LRRC72: variants seen among roughly 807,000 people sequenced by gnomAD.
LRRC72 encodes leucine-rich repeat-containing protein 72.
In LRRC72, 41 loss-of-function variants were observed where a neutral mutation model predicts 35.8. The observed-to-expected ratio is 1.15, with a 90% CI of 0.89 to 1.49. The LOEUF (loss-of-function observed/expected upper bound fraction) is 1.49, where lower values mean the gene tolerates loss of function less well. Ranked by LOEUF, LRRC72 falls within the 40% of genes most tolerant of loss-of-function variation. The pLI is 0.00. For missense variants in LRRC72, 389 were observed against 330.7 expected (o/e 1.18, Z -1.37); for synonymous variants, 118 against 119.2 (o/e 0.99, Z 0.07).
At chr7:16,532,251 T>C (rs995256066) in intron 1 of LRRC72, among the ~76,000 whole-genome samples, 2 of 152,170 alleles carry the variant, frequency 1.3e-5, no homozygotes. Context: ...CACATACATA[T>C]TTTTTTCTCT....
chr7:16,561,122 T>G (rs1782738109), intron 5 of LRRC72, among the ~76,000 whole-genome samples: 1 of 152,164 alleles, frequency 6.6e-6, no homozygotes, highest in Non-Finnish European at 1.5e-5. Flanking sequence ...TTAATAAATG[T>G]TTATCACACA....
chr7:16,579,837 T>C (rs1249534970), intron 7 of LRRC72, among the ~76,000 whole-genome samples: 1 of 152,146 alleles, frequency 6.6e-6, no homozygotes, highest in Non-Finnish European at 1.5e-5. Flanking sequence ...TTGAGATTTG[T>C]ATTGTATTAA....
chr7:16,567,447 C>T lies in LRRC72; in HGVS notation c.574C>T (p.His192Tyr). The change falls in exon 7 of 9, where the codon CAT becomes TAT. Residue 192 changes from histidine to tyrosine, a missense_variant. His to Tyr is a moderately conservative substitution (Grantham distance 83). Coordinates refer to ENST00000401542, the MANE Select transcript of LRRC72 (RefSeq NM_001195280.2). ...TACCATTTTTAACCATAAAAAGGCT[C>T]ATATCGTTCAATCAATAGCATTCGG... ...MITIFNHKKA[H>Y]IVQSIAFGGK... 6.5e-7 allele frequency: 1 copy of T among 1,526,934 alleles called. No homozygotes were observed. The highest frequency in any genetic ancestry group is 8.8e-7 in the Non-Finnish European group (1 of 1,136,468). The allele number at this position is 1,526,934 out of a possible 1,614,324, so 94.6% of individuals were successfully genotyped here. A position where few individuals can be genotyped will look rare whatever the true frequency, so the allele number is the denominator to read the frequency against.
In LRRC72 at chr7:16,567,390, G is replaced by A; in HGVS notation, c.518-1G>A. 6.8e-7 allele frequency: 1 copy of A among 1,469,766 alleles called. No homozygotes were observed. The highest frequency in any genetic ancestry group is 1.4e-5 in the South Asian group (1 of 71,380). 91.0% of individuals were successfully genotyped at this position (1,469,766 alleles called of 1,614,324 possible). Reference sequence around the variant, plus strand: ...ATAACATTACTTTTTGCATTTATCAGAAGTTACAGAAAAAGAAAGAAGATC... The same window carrying A: ...ATAACATTACTTTTTGCATTTATCAAAAGTTACAGAAAAAGAAAGAAGATC... On this transcript the variant is annotated splice_acceptor_variant, in intron 6 of 8. Coordinates refer to ENST00000401542, the MANE Select transcript of LRRC72 (RefSeq NM_001195280.2). LOFTEE classifies it high-confidence loss of function.
intron 3 of LRRC72, among the ~76,000 whole-genome samples, chr7:16,553,866 C>T (rs542257476): frequency 4.6e-5 from 7 of 152,206 alleles, no homozygotes; most frequent in African/African-American, 1.7e-4. Context: ...ATAAAAGCTC[C>T]CAGCTCCATA....
At chr7:16,572,581 G>T (rs2095451183) in intron 7 of LRRC72, among the ~76,000 whole-genome samples, 1 of 152,110 alleles carries the variant, frequency 6.6e-6, no homozygotes, top group South Asian at 2.1e-4. Flanking sequence ...GATGCAAAAA[G>T]GCCTTCAATA....
At chr7:16,527,378 C>A (rs1460712318) in intron 1 of LRRC72, among the ~76,000 whole-genome samples, 1 of 151,896 alleles carries the variant, frequency 6.6e-6, no homozygotes, top group African/African-American at 2.4e-5. Flanking sequence ...GCATCTGCTG[C>A]GTATATAATT....
chr7:16,555,465 T>C (rs1389874337), intron 3 of LRRC72, among the ~76,000 whole-genome samples: 1 of 152,200 alleles, frequency 6.6e-6, no homozygotes, highest in Non-Finnish European at 1.5e-5. Context: ...CAAAATATTT[T>C]TATTTAACTA....
intron 7 of LRRC72, among the ~76,000 whole-genome samples, chr7:16,577,280 A>T (rs1300584581): frequency 1.3e-5 from 2 of 152,240 alleles, no homozygotes; most frequent in Non-Finnish European, 2.9e-5. Flanking sequence ...CTCTTTGCAC[A>T]GAAAACATTT....
At chr7:16,527,672 G>A (rs2128333781) in intron 1 of LRRC72, among the ~76,000 whole-genome samples, 1 of 152,228 alleles carries the variant, frequency 6.6e-6, no homozygotes, top group Non-Finnish European at 1.5e-5. Context: ...AAGGCTTTCT[G>A]GAGTTCTCTG....
chr7:16,530,071 G>A (rs575088703), intron 1 of LRRC72: 12 of 151,916 alleles, frequency 7.9e-5, no homozygotes, highest in Non-Finnish European at 1.3e-4. Flanking sequence ...ATATGTTTTC[G>A]ATATCTTTAG....
chr7:16,574,763 G>A (rs1001547267), intron 7 of LRRC72, among the ~76,000 whole-genome samples: 17 of 151,798 alleles, frequency 1.1e-4, no homozygotes, highest in African/African-American at 3.4e-4. Flanking sequence ...AAGCCTGCAC[G>A]TCCTGCACAT....
At position 16,558,949 on chromosome 7, in the gene LRRC72, T is replaced by C. The variant is rs139295290; in HGVS notation, c.377T>C (p.Ile126Thr). The change falls in exon 5 of 9, where the codon ATT becomes ACT. Residue 126 changes from isoleucine to threonine, a missense_variant. By Grantham distance (89) the Ile-to-Thr change is moderately conservative. Coordinates refer to ENST00000401542, the MANE Select transcript of LRRC72 (RefSeq NM_001195280.2). ...CTACACCACAATGAGCTAACCAACA[T>C]TGATGCAACAGTGAAGGAATTAAAG... The part of the protein sequence containing the change: ...LLLHHNELTN[I>T]DATVKELKGM... 1.2e-4 allele frequency: 182 copies of C among 1,538,064 alleles called. No homozygotes were observed. In the East Asian group the frequency reaches 2.4e-3, roughly 21 times the overall value.
intron 3 of LRRC72, among the ~76,000 whole-genome samples, chr7:16,538,775 G>T (rs905405657): frequency 2.6e-5 from 4 of 152,160 alleles, no homozygotes; most frequent in Non-Finnish European, 5.9e-5. Flanking sequence ...ATATCTGATG[G>T]TTTTTAAAGT....
chr7:16,547,710 C>T (rs1183124067), intron 3 of LRRC72, among the ~76,000 whole-genome samples: 1 of 152,240 alleles, frequency 6.6e-6, no homozygotes, highest in Non-Finnish European at 1.5e-5. Flanking sequence ...GCTGGTATGC[C>T]AGCCCCCTGC....
intron 3 of LRRC72, among the ~76,000 whole-genome samples, chr7:16,552,965 C>T (rs932289374): frequency 2.0e-5 from 3 of 152,166 alleles, no homozygotes; most frequent in Non-Finnish European, 4.4e-5. Flanking sequence ...GTTTCATCAT[C>T]TTAAAATAAG....
Position 16,571,313 on chromosome 7 carries a change from C to G in LRRC72, c.670+3770C>G, listed in dbSNP as rs1010952687. ...CTCCGGACATGCCTCCTTATACCCC[C>G]CTCCCTTTTGGAATTCAGGAAAAGC... On this transcript the variant is annotated intron_variant, in intron 7 of 8. Coordinates refer to ENST00000401542, the MANE Select transcript of LRRC72 (RefSeq NM_001195280.2). Among the ~76,000 whole-genome samples, 93 of 152,144 alleles carry G rather than the reference C, an allele frequency of 6.1e-4. 1 individual carries two copies. The highest frequency in any genetic ancestry group is 2.1e-4 in the South Asian group (1 of 4,828).
At chr7:16,549,374 A>C (rs1042376920) in intron 3 of LRRC72, among the ~76,000 whole-genome samples, 2 of 152,216 alleles carry the variant, frequency 1.3e-5, no homozygotes, top group African/African-American at 4.8e-5. Flanking sequence ...TTGAGAATCA[A>C]GTTCAGAAAG....
At position 16,581,523 on chromosome 7, in the gene LRRC72, A is replaced by G; in HGVS notation, c.*34A>G. On this transcript the variant is annotated 3_prime_UTR_variant, in exon 9 of 9. Coordinates refer to ENST00000401542, the MANE Select transcript of LRRC72 (RefSeq NM_001195280.2). ...ATTTCTAGATATCTTAGTGGTTTTC[A>G]GTTGTATATTAAACTTCCCTGTGAC... 6.9e-7 allele frequency: 1 copy of G among 1,457,220 alleles called. No individual in the cohort carries two copies. Among genetic ancestry groups the G allele is most frequent in the Non-Finnish European group, 9.1e-7 (1 of 1,099,578 alleles). The allele number at this position is 1,457,220 out of a possible 1,614,324, so 90.3% of individuals were successfully genotyped here.
Sources: allele counts gnomAD v4.1 joint callset (sites outside exome capture counted in the v4.1 genomes callset), GRCh38; gene constraint gnomAD v4.1.1; transcripts MANE v1.5; gene names NCBI Gene and HGNC (gene_info 2026-07-23, HGNC 2026-07-21).